The following GLI3 variants were observed in gnomAD, a reference collection of about 807,000 sequenced individuals.
GLI3 encodes the protein GLI family zinc finger 3.
Under a neutral mutation model 100.8 loss-of-function variants are expected in GLI3, and 20 were observed. The observed-to-expected ratio is 0.20, with a 90% CI of 0.14 to 0.29. The LOEUF (loss-of-function observed/expected upper bound fraction) is 0.29. Ranked by LOEUF, GLI3 falls within the 10% of genes least tolerant of loss-of-function variation. GLI3 has a pLI of 1.00. For missense variants in GLI3, 2,040 were observed against 2,128.5 expected, an observed-to-expected ratio of 0.96 and a Z score of 0.82; for synonymous variants, 938 against 860.5, an observed-to-expected ratio of 1.09 and a Z score of -1.58.
intron 3 of GLI3, among the ~76,000 whole-genome samples, chr7:42,132,100 C>CATTTATTT (rs1786291811): frequency 7.8e-6 from 1 of 128,664 alleles, no homozygotes; most frequent in African/African-American, 4.3e-5. Context: ...TTTATTTATT[C>CATTTATTT]ATTTATTTAT....
In GLI3 at chr7:41,966,192, C is replaced by A. The variant is rs745986297; in HGVS notation, c.2881G>T (p.Gly961Trp). 1 of 1,605,050 alleles carries A rather than the reference C, an allele frequency of 6.2e-7. No individual in the cohort carries two copies. Among genetic ancestry groups the A allele is most frequent in the African/African-American group, 1.3e-5 (1 of 74,948 alleles). The change falls in exon 15 of 15, where the codon GGG becomes TGG. Residue 961 changes from glycine (G) to tryptophan (W), a missense_variant. Physicochemically the swap from Gly to Trp is radical, Grantham distance 184. This residue lies in a region of GLI3 where 1,041 missense variants were observed against 924.0 expected (regional missense o/e 1.13). Coordinates refer to ENST00000395925, the MANE Select transcript of GLI3 (RefSeq NM_000168.6). This position sits in a 1 kb window ranked among gnomAD's most constrained non-coding sequence, Gnocchi z 5.8. ...MSLKTRLALL[G>W]DALEPGVALP... ...GCCACGCCAGGCTCGAGGGCATCCCCGAGCAGCGCCAGGCGCGTCTTCAGG... is the reference window on the plus strand; with the variant it reads ...GCCACGCCAGGCTCGAGGGCATCCCAGAGCAGCGCCAGGCGCGTCTTCAGG...
At chr7:42,182,277 A>G (rs1180469365) in intron 2 of GLI3, among the ~76,000 whole-genome samples, 1 of 152,154 alleles carries the variant, frequency 6.6e-6, no homozygotes, top group African/African-American at 2.4e-5. Flanking sequence ...AAATTTAAAT[A>G]TAAGTAGTCA....
At chr7:42,039,239 T>A (rs1486632803) in intron 7 of GLI3, among the ~76,000 whole-genome samples, 1 of 152,224 alleles carries the variant, frequency 6.6e-6, no homozygotes, top group Admixed American at 6.5e-5. Context: ...AATTCATATG[T>A]TGGCTTACTT....
chr7:42,242,206 C>T (rs980067872), upstream of GLI3, among the ~76,000 whole-genome samples: 5 of 152,214 alleles, frequency 3.3e-5, no homozygotes, highest in South Asian at 1.0e-3. Flanking sequence ...GGGCAAATGT[C>T]ATCTGCCAAT....
intron 2 of GLI3, among the ~76,000 whole-genome samples, chr7:42,207,949 G>A (rs2128695827): frequency 6.6e-6 from 1 of 152,314 alleles, no homozygotes; most frequent in East Asian, 1.9e-4. Context: ...CCCAAAGTCA[G>A]GAGTTTGACA....
At chr7:41,984,218 C>G (rs932693597) in intron 10 of GLI3, among the ~76,000 whole-genome samples, 4 of 152,180 alleles carry the variant, frequency 2.6e-5, no homozygotes, top group African/African-American at 9.7e-5. Flanking sequence ...CTTTACTGAG[C>G]TAATCAGGGT....
intron 3 of GLI3, among the ~76,000 whole-genome samples, chr7:42,137,948 G>C (rs79426573): frequency 0.036 from 5,426 of 152,244 alleles, 327 homozygotes; most frequent in African/African-American, 0.12. Context: ...CAAATATTCA[G>C]AATCTGAAAT....
rs1270780195 is a variant in GLI3, at chr7:42,088,293, A to G, written c.368-11436T>C. 2.6e-5 allele frequency among the ~76,000 whole-genome samples: 4 copies of G among 152,094 alleles called. No homozygotes were observed. In the East Asian group the frequency reaches 7.7e-4, roughly 29 times the overall value. ...TCCACTTTGCAGCTACCTCATACTC[A>G]TTGCTGGATGTGCAGATAAAAAGCC... On this transcript the variant is annotated intron_variant, in intron 3 of 14. Coordinates refer to ENST00000395925, the MANE Select transcript of GLI3 (RefSeq NM_000168.6).
intron 2 of GLI3, among the ~76,000 whole-genome samples, chr7:42,195,717 A>G (rs1264937593): frequency 2.0e-5 from 3 of 152,190 alleles, no homozygotes; most frequent in Non-Finnish European, 2.9e-5. Flanking sequence ...AAGGGCAGAA[A>G]TTATTTGTTT....
At chr7:42,208,153 C>T (rs1437311104) in intron 2 of GLI3, among the ~76,000 whole-genome samples, 2 of 152,040 alleles carry the variant, frequency 1.3e-5, no homozygotes, top group Admixed American at 1.3e-4. Context: ...AGGGAGACTC[C>T]ATCTCAAAAA....
At chr7:42,005,806 A>C (rs1348405852) in intron 10 of GLI3, among the ~76,000 whole-genome samples, 3 of 152,182 alleles carry the variant, frequency 2.0e-5, no homozygotes, top group Admixed American at 2.0e-4. Context: ...CGAGTTCTAA[A>C]GACCAAAGAC....
rs372026419 is a variant in GLI3, at chr7:42,184,696, G to T, written c.125-36228C>A. 4.6e-5 allele frequency among the ~76,000 whole-genome samples: 7 copies of T among 152,280 alleles called. No individual in the cohort carries two copies. The East Asian group carries it at 9.6e-4, about 21-fold the overall frequency. ...TTAGCGCTCAGCCCATGCAAGGATTGCCTGTGCCACAGAGAGCTGCTTTGA... is the reference window on the plus strand; with the variant it reads ...TTAGCGCTCAGCCCATGCAAGGATTTCCTGTGCCACAGAGAGCTGCTTTGA... On this transcript the variant is annotated intron_variant, in intron 2 of 14. Transcript: ENST00000395925.
chr7:42,043,422 C>G (rs561662442), intron 6 of GLI3, among the ~76,000 whole-genome samples: 2 of 152,270 alleles, frequency 1.3e-5, no homozygotes, highest in South Asian at 4.1e-4. Flanking sequence ...TGCTAAAATA[C>G]AAGGTAAGCA....
At chr7:42,029,965 T>C (rs2128733890) in intron 7 of GLI3, among the ~76,000 whole-genome samples, 1 of 152,234 alleles carries the variant, frequency 6.6e-6, no homozygotes, top group East Asian at 1.9e-4. Context: ...AGTGACTGAA[T>C]CCATTCTTCA....
At chr7:42,055,625 T>G (rs1784444356) in intron 4 of GLI3, among the ~76,000 whole-genome samples, 1 of 152,166 alleles carries the variant, frequency 6.6e-6, no homozygotes, top group Admixed American at 6.5e-5. Context: ...ATTACTTGTT[T>G]GTCCCCTTAA....
chr7:42,020,583 C>T (rs1788907716), intron 10 of GLI3, among the ~76,000 whole-genome samples: 1 of 152,148 alleles, frequency 6.6e-6, no homozygotes, highest in African/African-American at 2.4e-5. Flanking sequence ...CACCTTGCCT[C>T]TTGGTTGTAT....
chr7:42,173,247 A>G (rs1198210044), intron 2 of GLI3, among the ~76,000 whole-genome samples: 1 of 152,224 alleles, frequency 6.6e-6, no homozygotes, highest in Non-Finnish European at 1.5e-5. Flanking sequence ...ATATTCTAAA[A>G]GAATCAGTTG....
intron 1 of GLI3, among the ~76,000 whole-genome samples, chr7:42,248,862 C>G (rs1012500421): frequency 6.6e-6 from 1 of 151,928 alleles, no homozygotes; most frequent in East Asian, 1.9e-4. Context: ...GGTCACAGCT[C>G]ACTGCAGCCT....
At chr7:42,194,759 CTTTTTTT>C (rs61524545) in intron 2 of GLI3, among the ~76,000 whole-genome samples, 1 of 108,984 alleles carries the variant, frequency 9.2e-6, no homozygotes, top group Admixed American at 9.8e-5. Context: ...CTCTCTGTCT[CTTTTTTT>C]TTTTTTTTTT....
Sources: allele counts gnomAD v4.1 joint callset (sites outside exome capture counted in the v4.1 genomes callset), GRCh38; gene constraint gnomAD v4.1.1; regional missense constraint gnomAD v4.1.1; non-coding constraint Gnocchi (gnomAD v3.1); transcripts MANE v1.5; gene names NCBI Gene and HGNC (gene_info 2026-07-23, HGNC 2026-07-21).